Variants in CLSTN2 observed in about 807,000 individuals in gnomAD.
The protein encoded by CLSTN2 is calsyntenin-2.
CLSTN2 carries 48 observed loss-of-function variants against 101.2 expected under a neutral mutation model. That is an observed-to-expected ratio of 0.47 (90% CI 0.38 to 0.60). The LOEUF (loss-of-function observed/expected upper bound fraction) is 0.60. Ranked by LOEUF, CLSTN2 falls within the 20% of genes least tolerant of loss-of-function variation. The pLI is 0.00. For missense variants in CLSTN2, 1,160 were observed against 1,238.2 expected (o/e 0.94, Z 0.95); for synonymous variants, 481 against 463.6 (o/e 1.04, Z -0.48).
intron 4 of CLSTN2, among the ~76,000 whole-genome samples, chr3:140,420,429 TAATG>T (rs1282681689): frequency 6.6e-6 from 1 of 152,154 alleles, no homozygotes; most frequent in East Asian, 1.9e-4. Context: ...TCAGCAAAAA[TAATG>T]AATTAACATT....
intron 8 of CLSTN2, among the ~76,000 whole-genome samples, chr3:140,527,586 T>C (rs2107776951): frequency 6.6e-6 from 1 of 152,128 alleles, no homozygotes; most frequent in South Asian, 2.1e-4. Context: ...CAGAAGAAAA[T>C]AAATTGTTTT....
At chr3:140,194,052 G>A (rs551749320) in intron 2 of CLSTN2, among the ~76,000 whole-genome samples, 17 of 152,150 alleles carry the variant, frequency 1.1e-4, no homozygotes, top group African/African-American at 2.6e-4. Flanking sequence ...TGATTCATCT[G>A]TGTTTAGAAT....
At chr3:140,094,635 A>G (rs1305519816) in intron 1 of CLSTN2, among the ~76,000 whole-genome samples, 1 of 152,220 alleles carries the variant, frequency 6.6e-6, no homozygotes, top group Non-Finnish European at 1.5e-5. Flanking sequence ...AAAATGTAAC[A>G]TCATAAGTGC....
chr3:140,339,672 C>T (rs137936083), intron 2 of CLSTN2, among the ~76,000 whole-genome samples: 15 of 152,252 alleles, frequency 9.9e-5, no homozygotes, highest in East Asian at 5.8e-4. Context: ...GTGTCCTTAG[C>T]GAAATTACAT....
At chr3:140,180,489 C>G (rs1335147072) in intron 2 of CLSTN2, among the ~76,000 whole-genome samples, 1 of 152,092 alleles carries the variant, frequency 6.6e-6, no homozygotes, top group East Asian at 1.9e-4. Flanking sequence ...AAAAGAAAAT[C>G]CTTGAGTAAT....
chr3:140,469,798 G>C (rs145541777), intron 8 of CLSTN2, among the ~76,000 whole-genome samples: 100 of 152,318 alleles, frequency 6.6e-4, no homozygotes, highest in African/African-American at 2.3e-3. Flanking sequence ...AAAGAAGGGA[G>C]AGATGAAGTG....
intron 1 of CLSTN2, among the ~76,000 whole-genome samples, chr3:140,052,675 C>G (rs2008019489): frequency 6.6e-6 from 1 of 152,188 alleles, no homozygotes; most frequent in African/African-American, 2.4e-5. Context: ...GTTGGCCTCT[C>G]TGAGCTTCTC....
chr3:140,407,027 A>G (rs1304192071), intron 4 of CLSTN2, among the ~76,000 whole-genome samples: 1 of 152,206 alleles, frequency 6.6e-6, no homozygotes, highest in African/African-American at 2.4e-5. Context: ...CTGGTTTACA[A>G]CCTAAGATGA....
intron 1 of CLSTN2, among the ~76,000 whole-genome samples, chr3:140,131,305 A>T (rs2009519710): frequency 6.6e-6 from 1 of 150,634 alleles, no homozygotes; most frequent in Non-Finnish European, 1.5e-5. Context: ...TTTCTTTATG[A>T]TTTTTTTTTA....
At chr3:140,110,774 C>T (rs1480526494) in intron 1 of CLSTN2, among the ~76,000 whole-genome samples, 1 of 152,120 alleles carries the variant, frequency 6.6e-6, no homozygotes, top group Non-Finnish European at 1.5e-5. Flanking sequence ...CCTCTGGGTG[C>T]CCACCTGGAA....
intron 8 of CLSTN2, among the ~76,000 whole-genome samples, chr3:140,499,726 C>T (rs529739602): frequency 2.0e-5 from 3 of 152,208 alleles, no homozygotes; most frequent in South Asian, 4.1e-4. Flanking sequence ...GAAGTTCTGC[C>T]TCTTGTTATG....
intron 1 of CLSTN2, among the ~76,000 whole-genome samples, chr3:140,000,904 C>A (rs2006820870): frequency 6.6e-6 from 1 of 152,142 alleles, no homozygotes. Context: ...GTATTAGGGG[C>A]CTTTATTTTA....
chr3:140,135,123 T>C (rs71619376), intron 1 of CLSTN2, among the ~76,000 whole-genome samples: 20,180 of 47,316 alleles, frequency 0.43, 2,710 homozygotes, highest in East Asian at 0.46. Context: ...CACACATATA[T>C]ATATATATAT....
At position 140,573,387 on chromosome 3, in the gene CLSTN2, A is replaced by G. The variant is rs1270990686; in HGVS notation, c.*7134A>G. 6.6e-6 allele frequency: 1 copy of G among 152,216 alleles called. No individual in the cohort carries two copies. Among genetic ancestry groups the G allele is most frequent in the East Asian group, 1.9e-4 (1 of 5,194 alleles). The allele number at this position is 152,216 out of a possible 1,614,324, so 9.4% of individuals were successfully genotyped here. The stretch of plus-strand genomic sequence containing the variant: ...TGGATGTTACTAAAAGTAGAAAACA[A>G]AAATCCAAAAACAAACCTACAGCCT... On this transcript the variant is annotated 3_prime_UTR_variant, in exon 17 of 17. Coordinates refer to ENST00000458420, the MANE Select transcript of CLSTN2 (RefSeq NM_022131.3).
chr3:140,089,649 A>G (rs141717625), intron 1 of CLSTN2, among the ~76,000 whole-genome samples: 1,741 of 150,958 alleles, frequency 0.012, 15 homozygotes, highest in Non-Finnish European at 0.018. Flanking sequence ...TCTTGCTCCC[A>G]TTGTCCAGGC....
chr3:140,210,701 G>T (rs1375061000), intron 2 of CLSTN2, among the ~76,000 whole-genome samples: 1 of 152,100 alleles, frequency 6.6e-6, no homozygotes, highest in Non-Finnish European at 1.5e-5. Context: ...GAGAGAGAAT[G>T]CTACTTTCCT....
At chr3:140,036,869 C>T (rs1661511687) in intron 1 of CLSTN2, among the ~76,000 whole-genome samples, 1 of 152,108 alleles carries the variant, frequency 6.6e-6, no homozygotes, top group South Asian at 2.1e-4. Flanking sequence ...TTTACTCTAA[C>T]TCTTGTATAT....
chr3:140,350,417 G>C (rs1339535983), intron 2 of CLSTN2, among the ~76,000 whole-genome samples: 1 of 152,226 alleles, frequency 6.6e-6, no homozygotes, highest in Non-Finnish European at 1.5e-5. Flanking sequence ...AAGTCAAAGA[G>C]TGAGGAATTA....
chr3:140,407,083 G>A (rs1243472105), intron 4 of CLSTN2, among the ~76,000 whole-genome samples: 2 of 152,204 alleles, frequency 1.3e-5, no homozygotes, highest in African/African-American at 4.8e-5. Context: ...CTGACAGCGA[G>A]GTGTACAGAA....
Sources: allele counts gnomAD v4.1 joint callset (sites outside exome capture counted in the v4.1 genomes callset), GRCh38; gene constraint gnomAD v4.1.1; transcripts MANE v1.5; gene names NCBI Gene and HGNC (gene_info 2026-07-23, HGNC 2026-07-21).